FAT3: variants seen among roughly 807,000 people sequenced by gnomAD.
The protein encoded by FAT3 is FAT atypical cadherin 3.
Under a neutral mutation model 310.2 loss-of-function variants are expected in FAT3, and 95 were observed. The observed-to-expected ratio is 0.31, with a 90% CI of 0.26 to 0.36. The LOEUF (loss-of-function observed/expected upper bound fraction) is 0.36. Among genes scored for constraint, FAT3 ranks in the 10% least tolerant of loss-of-function variants. FAT3 has a pLI of 1.00. For missense variants in FAT3, 5,408 were observed against 5,715.6 expected (o/e 0.95, Z 1.74); for synonymous variants, 2,314 against 2,192.9 (o/e 1.06, Z -1.54).
rs1369317690 is a variant in FAT3, at chr11:92,654,565, TA to T, written c.3608-42813del. On this transcript the variant is annotated intron_variant, in intron 3 of 27. Transcript: ENST00000525166. ...AATGAAAGATAAAACAAAATAGAAA[TA>T]AAAAATGTAACTCACCCATTATTTA... Among the ~76,000 whole-genome samples the T allele has an allele frequency of 1.1e-4, 17 of 152,136 alleles. 1 individual carries two copies. The highest frequency in any genetic ancestry group is 1.1e-3 in the Admixed American group (17 of 15,274).
At chr11:92,246,842 G>A (rs947131118) in intron 1 of FAT3, among the ~76,000 whole-genome samples, 1 of 152,054 alleles carries the variant, frequency 6.6e-6, no homozygotes, top group Non-Finnish European at 1.5e-5. Flanking sequence ...AAACATAGAG[G>A]TTACTGAGAG....
intron 2 of FAT3, among the ~76,000 whole-genome samples, chr11:92,489,854 AG>A (rs1408331704): frequency 1.3e-5 from 2 of 151,748 alleles, no homozygotes; most frequent in African/African-American, 2.4e-5. Context: ...GATTCCAAAA[AG>A]TTAAATGAGT....
chr11:92,549,522 A>G (rs954997375), intron 3 of FAT3, among the ~76,000 whole-genome samples: 3 of 152,188 alleles, frequency 2.0e-5, no homozygotes, highest in African/African-American at 7.2e-5. Flanking sequence ...GACTCAGTTT[A>G]TGGTAGAGGA....
rs1360331703 is a variant in FAT3 at position 92,315,502 on chromosome 11, TATATATATATAG to T, written c.-17-36592_-17-36581del. Among the ~76,000 whole-genome samples the T allele has an allele frequency of 4.9e-3, 451 of 91,706 alleles. 1 individual carries two copies. Among genetic ancestry groups the T allele is most frequent in the African/African-American group, 0.017 (399 of 23,680 alleles). 60.2% of individuals were successfully genotyped at this position (91,706 alleles called of 152,430 possible). A position where few individuals can be genotyped will look rare whatever the true frequency, so the allele number is the denominator to read the frequency against. On this transcript the variant is annotated intron_variant, in intron 1 of 27. Coordinates refer to ENST00000525166, the MANE Select transcript of FAT3 (RefSeq NM_001367949.2). ...GTGTATATATATATATATATATATA[TATATATATATAG>T]AGAGAGAGAGAGAGAGAGAGAGAGA... is the stretch of plus-strand genomic sequence containing the variant.
Position 92,352,309 on chromosome 11 carries a change from G to T in FAT3, c.197G>T (p.Ser66Ile), listed in dbSNP as rs774809226. Residue 66 changes from serine (S) to isoleucine (I), a missense_variant, in exon 2 of 28, where the codon AGT becomes ATT. By Grantham distance (142) the Ser-to-Ile change is moderately radical. Around this residue, in one of 5 missense-constraint regions of FAT3, gnomAD observed 152 missense variants for 188.3 expected, o/e 0.81. Coordinates refer to ENST00000525166, the MANE Select transcript of FAT3 (RefSeq NM_001367949.2). Reference sequence around the variant, plus strand: ...GCAAGGACCTACGTCAACAGCCAGAGTAGAATGGGCATCACCTTAATAGAT... The same window carrying T: ...GCAAGGACCTACGTCAACAGCCAGATTAGAATGGGCATCACCTTAATAGAT... Reference protein sequence around the residue: ...SAARTYVNSQSRMGITLIDLS... With the variant: ...SAARTYVNSQIRMGITLIDLS... The T allele has an allele frequency of 2.0e-6, 3 of 1,527,428 alleles. No homozygotes were observed. In the Admixed American group the frequency reaches 5.2e-5, roughly 27 times the overall value. 94.6% of individuals were successfully genotyped at this position (1,527,428 alleles called of 1,614,324 possible). A position where few individuals can be genotyped will look rare whatever the true frequency, so the allele number is the denominator to read the frequency against.
At chr11:92,654,238 G>GT (rs796186670) in intron 3 of FAT3, among the ~76,000 whole-genome samples, 14 of 152,230 alleles carry the variant, frequency 9.2e-5, no homozygotes, top group African/African-American at 3.4e-4. Flanking sequence ...TTTCAGTTCT[G>GT]TAAGTTCCAG....
At chr11:92,342,606 C>T (rs1048772643) in intron 1 of FAT3, among the ~76,000 whole-genome samples, 1 of 152,028 alleles carries the variant, frequency 6.6e-6, no homozygotes, top group Non-Finnish European at 1.5e-5. Flanking sequence ...ACATTTTGCC[C>T]CCCGACTATT....
intron 4 of FAT3, among the ~76,000 whole-genome samples, chr11:92,710,123 T>TA (rs1406603923): frequency 3.9e-5 from 6 of 152,182 alleles, no homozygotes; most frequent in Non-Finnish European, 7.3e-5. Context: ...GTCAATATTT[T>TA]AAAAAATGCA....
chr11:92,479,269 C>T (rs1172665340), intron 2 of FAT3, among the ~76,000 whole-genome samples: 1 of 151,550 alleles, frequency 6.6e-6, no homozygotes, highest in Admixed American at 6.6e-5. Context: ...CCTCAGCCTC[C>T]CAAAGTGCTG....
At chr11:92,698,063 A>T (rs1417747238) in intron 4 of FAT3, among the ~76,000 whole-genome samples, 3 of 152,206 alleles carry the variant, frequency 2.0e-5, no homozygotes, top group Non-Finnish European at 4.4e-5. Flanking sequence ...GAGTGTCTTT[A>T]TTGGGAAGCT....
At chr11:92,585,355 AT>A (rs1162296407) in intron 3 of FAT3, among the ~76,000 whole-genome samples, 2 of 152,180 alleles carry the variant, frequency 1.3e-5, no homozygotes, top group East Asian at 3.9e-4. Context: ...CACACAACAG[AT>A]TTCCCACTAG....
intron 1 of FAT3, among the ~76,000 whole-genome samples, chr11:92,306,549 ATG>A (rs1305113320): frequency 2.2e-4 from 27 of 123,656 alleles, no homozygotes; most frequent in African/African-American, 8.9e-4. Context: ...TATATTATAT[ATG>A]TTATATATAT....
rs1591252852 is a variant in FAT3, at chr11:92,412,746, A to ACACACACATATATATAT, written c.3292+57342_3292+57343insCACACACATATATATAT. On this transcript the variant is annotated intron_variant, in intron 2 of 27. Coordinates refer to ENST00000525166, the MANE Select transcript of FAT3 (RefSeq NM_001367949.2). Reference sequence around the variant, plus strand: ...ATATATATATATATATATATATATAAATATACATACATATATATATATTTA... The same window carrying ACACACACATATATATAT: ...ATATATATATATATATATATATATAACACACACATATATATATATATACATACATATATATATATTTA... Among the ~76,000 whole-genome samples the ACACACACATATATATAT allele has an allele frequency of 8.9e-4, 16 of 18,072 alleles. 2 individuals are homozygous for ACACACACATATATATAT. Among genetic ancestry groups the ACACACACATATATATAT allele is most frequent in the Middle Eastern group, 0.05 (1 of 20 alleles). The allele number at this position is 18,072 out of a possible 152,430, so 11.9% of individuals were successfully genotyped here. A position where few individuals can be genotyped will look rare whatever the true frequency, so the allele number is the denominator to read the frequency against.
intron 4 of FAT3, among the ~76,000 whole-genome samples, chr11:92,717,453 T>A (rs1944724883): frequency 6.6e-6 from 1 of 152,174 alleles, no homozygotes; most frequent in South Asian, 2.1e-4. Context: ...TCATCATGAC[T>A]CACCCTCCTA....
intron 1 of FAT3, among the ~76,000 whole-genome samples, chr11:92,316,798 G>C (rs951492335): frequency 3.9e-5 from 6 of 152,166 alleles, no homozygotes; most frequent in Non-Finnish European, 7.4e-5. Context: ...TAGCTGCTGG[G>C]TATTGAGCTC....
rs149397894 is a variant in FAT3, at chr11:92,329,061, C to T, written c.-17-23035C>T. ...TTTCTCTTTCACTATTCTAATCCCTCTTCTTTTATTTTTGAGTGTGTAATC... is the reference window on the plus strand; with the variant it reads ...TTTCTCTTTCACTATTCTAATCCCTTTTCTTTTATTTTTGAGTGTGTAATC... On this transcript the variant is annotated intron_variant, in intron 1 of 27. Coordinates refer to ENST00000525166, the MANE Select transcript of FAT3 (RefSeq NM_001367949.2). Among the ~76,000 whole-genome samples the T allele has an allele frequency of 4.8e-3, 725 of 151,320 alleles. 4 individuals are homozygous for T. Among genetic ancestry groups the T allele is most frequent in the Middle Eastern group, 0.017 (5 of 292 alleles).
intron 13 of FAT3, among the ~76,000 whole-genome samples, chr11:92,824,272 G>A (rs375358697): frequency 7.9e-5 from 12 of 152,146 alleles, no homozygotes; most frequent in East Asian, 7.7e-4. Context: ...CAGGAGAAAC[G>A]CTTGAACCCA....
chr11:92,399,281 A>T (rs1451422337), intron 2 of FAT3, among the ~76,000 whole-genome samples: 2 of 152,156 alleles, frequency 1.3e-5, no homozygotes, highest in Non-Finnish European at 2.9e-5. Flanking sequence ...TCATCTACTG[A>T]CCATTTCCTC....
intron 25 of FAT3, among the ~76,000 whole-genome samples, chr11:92,888,326 GC>G (rs1949841869): frequency 3.3e-5 from 5 of 152,140 alleles, no homozygotes; most frequent in African/African-American, 1.2e-4. Context: ...CAGAAGAAAA[GC>G]TGTGGCTAGT....
Sources: gnomAD v4.1 joint callset for allele counts (sites outside exome capture counted in the v4.1 genomes callset) on GRCh38, gnomAD v4.1.1 for gene constraint, gnomAD v4.1.1 regional missense constraint, MANE v1.5 for transcripts, NCBI Gene and HGNC (gene_info 2026-07-23, HGNC 2026-07-21) for gene names.